Variants in METTL15 observed in about 807,000 individuals in gnomAD.
METTL15 encodes the protein 12S rRNA N(4)-cytidine methyltransferase METTL15.
Under a neutral mutation model 38.3 loss-of-function variants are expected in METTL15, and 34 were observed. The ratio of observed to expected loss-of-function variants is 0.89; its 90% CI spans 0.68 to 1.18. The LOEUF is 1.18. Ranked by LOEUF, METTL15 falls within the 50% of genes most tolerant of loss-of-function variation. METTL15 has a pLI of 0.00. For synonymous variants in METTL15, 162 were observed against 170.9 expected, an observed-to-expected ratio of 0.95 and a Z score of 0.41; for missense variants, 438 against 498.4, an observed-to-expected ratio of 0.88 and a Z score of 1.15.
chr11:28,337,420 T>C (rs899512361), downstream of METTL15, among the ~76,000 whole-genome samples: 1 of 152,004 alleles, frequency 6.6e-6, no homozygotes, highest in East Asian at 1.9e-4. Context: ...TGTAAAGCAG[T>C]TACCAGGCCC....
chr11:28,256,738 C>T (rs1209041520), intron 4 of METTL15, among the ~76,000 whole-genome samples: 1 of 151,868 alleles, frequency 6.6e-6, no homozygotes, highest in Non-Finnish European at 1.5e-5. Flanking sequence ...TTTTCTTCCA[C>T]TAATTTTGGG....
intron 6 of METTL15, among the ~76,000 whole-genome samples, chr11:28,472,232 A>G (rs566067242): frequency 1.3e-5 from 2 of 152,164 alleles, no homozygotes; most frequent in Non-Finnish European, 2.9e-5. Context: ...TACTTTGAAT[A>G]TTTAATACTA....
chr11:28,165,328 T>C (rs1850619514), intron 3 of METTL15, among the ~76,000 whole-genome samples: 1 of 152,106 alleles, frequency 6.6e-6, no homozygotes, highest in African/African-American at 2.4e-5. Flanking sequence ...TATTTCCACA[T>C]CCTCGAAAAC....
At chr11:28,516,716 G>A (rs376133649) in intron 6 of METTL15, 1 of 152,118 alleles carries the variant, frequency 6.6e-6, no homozygotes, top group Non-Finnish European at 1.5e-5. Context: ...AATCCCATAT[G>A]AGGGACTGGT....
At chr11:28,354,279 C>T (rs1175650083) in intron 4 of METTL15, among the ~76,000 whole-genome samples, 1 of 152,138 alleles carries the variant, frequency 6.6e-6, no homozygotes, top group Non-Finnish European at 1.5e-5. Flanking sequence ...AACCCTTTTT[C>T]CCCTTTGCCT....
Position 28,209,885 on chromosome 11 carries a change from A to G in METTL15, c.271-1177A>G, listed in dbSNP as rs753951136. 3.9e-5 allele frequency among the ~76,000 whole-genome samples: 6 copies of G among 152,160 alleles called. No homozygotes were observed. The South Asian group carries it at 6.2e-4, about 16-fold the overall frequency. On this transcript the variant is annotated intron_variant, in intron 3 of 6. Transcript: ENST00000407364. ...AACTTTAAGAAAATTGTATGTTTAGATATTTTTAAATCTAGCCAGTAGACT... is the reference window on the plus strand; with the variant it reads ...AACTTTAAGAAAATTGTATGTTTAGGTATTTTTAAATCTAGCCAGTAGACT...
chr11:28,213,877 G>A (rs1212955569), intron 4 of METTL15, among the ~76,000 whole-genome samples: 1 of 151,664 alleles, frequency 6.6e-6, no homozygotes, highest in African/African-American at 2.4e-5. Flanking sequence ...AGATGGTCTC[G>A]ATCTCCTGAC....
chr11:28,294,819 G>A (rs1168675184), intron 5 of METTL15, among the ~76,000 whole-genome samples: 2 of 152,026 alleles, frequency 1.3e-5, no homozygotes, highest in Non-Finnish European at 2.9e-5. Context: ...TGTTAATATA[G>A]AGTAAAATAA....
intron 3 of METTL15, among the ~76,000 whole-genome samples, chr11:28,177,060 A>G (rs1419353873): frequency 6.6e-6 from 1 of 152,058 alleles, no homozygotes; most frequent in Non-Finnish European, 1.5e-5. Flanking sequence ...CTGTATGAAT[A>G]AAAGCTGAAT....
At position 28,331,021 on chromosome 11, in the gene METTL15, C is replaced by T. The variant is rs2134065151; in HGVS notation, c.*180C>T. ...GAAATACATGACAGAGAAAGTTACA[C>T]TCAGGGAGCAGCAGCACCTCCAGAC... On this transcript the variant is annotated 3_prime_UTR_variant, in exon 7 of 7. Coordinates refer to ENST00000407364, the MANE Select transcript of METTL15 (RefSeq NM_001113528.2). 2 of 485,708 alleles carry T rather than the reference C, an allele frequency of 4.1e-6. No individual in the cohort carries two copies. Among genetic ancestry groups the T allele is most frequent in the Non-Finnish European group, 7.2e-6 (2 of 278,418 alleles). 30.1% of individuals were successfully genotyped at this position (485,708 alleles called of 1,614,324 possible).
intron 3 of METTL15, among the ~76,000 whole-genome samples, chr11:28,170,862 G>A (rs912752475): frequency 5.3e-5 from 8 of 152,064 alleles, no homozygotes; most frequent in African/African-American, 1.9e-4. Context: ...CCTGTATCTT[G>A]TGCTGACCTC....
chr11:28,290,179 T>G, intron 4 of METTL15, 27 bp from the exon 5 acceptor site: 1 of 1,567,724 alleles, frequency 6.4e-7, no homozygotes, highest in South Asian at 1.2e-5. Flanking sequence ...CAGAAGTGTT[T>G]TCTCTATCTC....
chr11:28,361,813 T>C (rs1850141978), intron 4 of METTL15: 1 of 152,192 alleles, frequency 6.6e-6, no homozygotes, highest in East Asian at 1.9e-4. Context: ...AGGACTCCTC[T>C]AATGAGTAGT....
At chr11:28,399,518 G>A (rs11030323) in intron 5 of METTL15, among the ~76,000 whole-genome samples, 71,323 of 151,530 alleles carry the variant, frequency 0.47, 17,159 homozygotes, top group East Asian at 0.74. Context: ...TTTTCAAGAG[G>A]ATTTTTAAAC....
intron 5 of METTL15, among the ~76,000 whole-genome samples, chr11:28,387,323 G>A (rs528156084): frequency 2.0e-5 from 3 of 151,636 alleles, no homozygotes; most frequent in Admixed American, 1.3e-4. Flanking sequence ...GACAAAAGAT[G>A]ATCAAATAAC....
At chr11:28,423,596 A>G (rs531410546) in intron 5 of METTL15, among the ~76,000 whole-genome samples, 13 of 152,142 alleles carry the variant, frequency 8.5e-5, no homozygotes, top group Non-Finnish European at 1.8e-4. Context: ...GAAATAATCC[A>G]AGAATAGAAA....
chr11:28,531,683 A>T (rs887767406), downstream of METTL15, among the ~76,000 whole-genome samples: 2 of 152,070 alleles, frequency 1.3e-5, no homozygotes, highest in Non-Finnish European at 2.9e-5. Context: ...TGAACACTTG[A>T]AAAATGGTAG....
Position 28,211,167 on chromosome 11 carries a change from G to C in METTL15, c.376G>C (p.Ala126Pro), listed in dbSNP as rs1367497510. The C allele has an allele frequency of 1.2e-6, 2 of 1,610,994 alleles. No individual in the cohort carries two copies. The highest frequency in any genetic ancestry group is 3.4e-5 in the Admixed American group (2 of 59,560). Residue 126 changes from alanine (A) to proline (P), a missense_variant, in exon 4 of 7, where the codon GCA (alanine) becomes CCA (proline). Transcript: ENST00000407364. ...CTTGGACAGAGACCCAACAGCTTAT[G>C]CATTAGCTGAACATCTTTCAGAGTT... ...YALDRDPTAYALAEHLSELYP... is the reference protein window; with the variant it reads ...YALDRDPTAYPLAEHLSELYP...
chr11:28,143,108 T>TC (rs1337527857), intron 3 of METTL15, among the ~76,000 whole-genome samples: 1 of 152,082 alleles, frequency 6.6e-6, no homozygotes, highest in Non-Finnish European at 1.5e-5. Flanking sequence ...ATTTTTTTTT[T>TC]CCTTAATAGA....
Sources: gnomAD v4.1 joint callset for allele counts (sites outside exome capture counted in the v4.1 genomes callset) on GRCh38, gnomAD v4.1.1 for gene constraint, MANE v1.5 for transcripts, NCBI Gene and HGNC (gene_info 2026-07-23, HGNC 2026-07-21) for gene names.